The following NXPE2 variants were observed in gnomAD, a reference collection of about 807,000 sequenced individuals.
The protein encoded by NXPE2 is neurexophilin and PC-esterase domain family member 2.
Under a neutral mutation model 34.4 loss-of-function variants are expected in NXPE2, and 34 were observed. The observed-to-expected ratio is 0.99, with a 90% confidence interval of 0.75 to 1.31. The LOEUF is 1.31. Among genes scored for constraint, NXPE2 ranks in the 40% most tolerant of loss-of-function variants. The probability of loss-of-function intolerance (pLI) is 0.00; values close to 1 mark genes in which losing one functional copy is unlikely to be tolerated. For missense variants in NXPE2, 649 were observed against 672.5 expected (o/e 0.97, Z 0.39); for synonymous variants, 235 against 231.3 (o/e 1.02, Z -0.15).
chr11:114,513,357 C>T, the NXPE2 span: 1 of 421,270 alleles, frequency 2.4e-6, no homozygotes, highest in Non-Finnish European at 4.6e-6. Context: ...AGCTTAGTCT[C>T]TGCTGCTGAA....
the NXPE2 span, among the ~76,000 whole-genome samples, chr11:114,617,429 A>C: frequency 2.0e-5 from 3 of 151,520 alleles, no homozygotes; most frequent in Non-Finnish European, 4.4e-5. Flanking sequence ...TACCGGGTGG[A>C]TAATAAGTAT....
the NXPE2 span, among the ~76,000 whole-genome samples, chr11:114,633,067 G>T: frequency 5.6e-5 from 6 of 107,680 alleles, no homozygotes; most frequent in South Asian, 2.7e-4. Flanking sequence ...TTTATATTTT[G>T]TTTTTTATAA....
the NXPE2 span, among the ~76,000 whole-genome samples, chr11:114,733,314 C>G: frequency 6.6e-6 from 1 of 152,122 alleles, no homozygotes; most frequent in Non-Finnish European, 1.5e-5. Flanking sequence ...AGGATGGTCT[C>G]GATCTCCTGA....
At chr11:114,694,343 C>G (rs1951209718) in intron 2 of NXPE2, among the ~76,000 whole-genome samples, 1 of 152,106 alleles carries the variant, frequency 6.6e-6, no homozygotes, top group African/African-American at 2.4e-5. Flanking sequence ...GTAAAGTTTT[C>G]TTTCCTGTAT....
At chr11:114,746,826 G>T in the NXPE2 span, among the ~76,000 whole-genome samples, 1 of 151,016 alleles carries the variant, frequency 6.6e-6, no homozygotes, top group African/African-American at 2.4e-5. Context: ...ACTCCAGCCT[G>T]GGCAATAGAG....
the NXPE2 span, among the ~76,000 whole-genome samples, chr11:114,647,794 T>C: frequency 6.6e-6 from 1 of 151,836 alleles, no homozygotes. Flanking sequence ...CTCTTCCCCC[T>C]GGGTTTAAGC....
chr11:114,599,409 C>T, the NXPE2 span, among the ~76,000 whole-genome samples: 2 of 152,130 alleles, frequency 1.3e-5, no homozygotes, highest in Non-Finnish European at 2.9e-5. Context: ...CTTCTGGGCC[C>T]TCCACCCTCT....
At chr11:114,484,344 A>G in the NXPE2 span, among the ~76,000 whole-genome samples, 1 of 151,796 alleles carries the variant, frequency 6.6e-6, no homozygotes, top group African/African-American at 2.4e-5. Context: ...ACTTTCCCTA[A>G]GTTTGGGATG....
chr11:114,696,482 G>A (rs1389535722), intron 2 of NXPE2, among the ~76,000 whole-genome samples: 4 of 151,830 alleles, frequency 2.6e-5, no homozygotes, highest in African/African-American at 7.3e-5. Flanking sequence ...AATAATGCTT[G>A]TATGAATTTA....
the NXPE2 span, among the ~76,000 whole-genome samples, chr11:114,774,046 C>CCT: frequency 2.0e-5 from 3 of 152,306 alleles, no homozygotes; most frequent in South Asian, 6.2e-4. Context: ...GCAGGTAATG[C>CCT]CTCTACTGCT....
the NXPE2 span, among the ~76,000 whole-genome samples, chr11:114,565,338 C>A: frequency 6.6e-6 from 1 of 152,146 alleles, no homozygotes; most frequent in Non-Finnish European, 1.5e-5. Flanking sequence ...AAATAGGTGG[C>A]TGTTACATTC....
At chr11:114,749,932 C>T in the NXPE2 span, among the ~76,000 whole-genome samples, 2 of 152,152 alleles carry the variant, frequency 1.3e-5, no homozygotes, top group East Asian at 1.9e-4. Context: ...GATACCCATG[C>T]CTGGCCACCC....
the NXPE2 span, among the ~76,000 whole-genome samples, chr11:114,747,680 T>A: frequency 2.0e-5 from 3 of 152,002 alleles, no homozygotes; most frequent in Non-Finnish European, 4.4e-5. Flanking sequence ...GAAAACTCAT[T>A]CACTATTATG....
At chr11:114,640,154 TTAA>T in the NXPE2 span, among the ~76,000 whole-genome samples, 9 of 75,052 alleles carry the variant, frequency 1.2e-4, no homozygotes, top group Non-Finnish European at 1.9e-4. Flanking sequence ...ATATGATATA[TTAA>T]TAATATATAT....
the NXPE2 span, among the ~76,000 whole-genome samples, chr11:114,563,826 G>A: frequency 1.3e-5 from 2 of 152,208 alleles, no homozygotes; most frequent in Non-Finnish European, 2.9e-5. Flanking sequence ...AATAATAGAT[G>A]TTGGTGTGGA....
chr11:114,638,268 C>T, the NXPE2 span, among the ~76,000 whole-genome samples: 6 of 152,068 alleles, frequency 3.9e-5, no homozygotes, highest in African/African-American at 1.4e-4. Context: ...GCTCCTGAGG[C>T]TTCTGCATTC....
At chr11:114,704,313 G>A (rs141462871) in intron 4 of NXPE2, among the ~76,000 whole-genome samples, 141 of 136,716 alleles carry the variant, frequency 1.0e-3, no homozygotes, top group Middle Eastern at 3.6e-3. Flanking sequence ...AAATGTACAG[G>A]CTATTTGTAT....
the NXPE2 span, chr11:114,583,134 T>C: frequency 8.4e-7 from 1 of 1,193,422 alleles, no homozygotes; most frequent in Non-Finnish European, 1.2e-6. Context: ...CATTTTTACT[T>C]ATTGTGATTT....
At chr11:114,785,001 C>T in the NXPE2 span, among the ~76,000 whole-genome samples, 11 of 151,752 alleles carry the variant, frequency 7.2e-5, no homozygotes. Context: ...GCAAAACTGA[C>T]CAGTCTTATT....
Sources: allele counts gnomAD v4.1 joint callset (sites outside exome capture counted in the v4.1 genomes callset), GRCh38; gene constraint gnomAD v4.1.1; transcripts MANE v1.5; gene names NCBI Gene and HGNC (gene_info 2026-07-23, HGNC 2026-07-21).